Variants in NIF3L1 observed in about 807,000 individuals in gnomAD.
NIF3L1 encodes the protein NIF3-like protein 1.
Under a neutral mutation model 35.0 loss-of-function variants are expected in NIF3L1, and 26 were observed. That is an observed-to-expected ratio of 0.74 (90% confidence interval 0.54 to 1.03). NIF3L1 has a LOEUF of 1.03. Among genes scored for constraint, NIF3L1 ranks in the 50% least tolerant of loss-of-function variants. The probability of loss-of-function intolerance (pLI) is 0.00; values close to 1 mark genes in which losing one functional copy is unlikely to be tolerated. For synonymous variants in NIF3L1, 157 were observed against 178.9 expected (o/e 0.88, Z 0.98); for missense variants, 449 against 466.3 (o/e 0.96, Z 0.34).
At chr2:200,902,936 A>G (rs1339276464) in intron 6 of NIF3L1, among the ~76,000 whole-genome samples, 2 of 152,200 alleles carry the variant, frequency 1.3e-5, no homozygotes, top group African/African-American at 4.8e-5. Flanking sequence ...CTGGCCAGAT[A>G]TGTTGGATTG....
Position 200,891,987 on chromosome 2 carries a change from T to C in NIF3L1, c.44T>C (p.Phe15Ser), listed in dbSNP as rs778150083. 1 of 1,614,094 alleles carries C rather than the reference T, an allele frequency of 6.2e-7. No individual in the cohort carries two copies. The highest frequency in any genetic ancestry group is 2.2e-5 in the East Asian group (1 of 44,884). Reference sequence around the variant, plus strand: ...CGCCCAGTCCCCACGACAGTCCGGTTTGTAGATTCCCTGATCTGCAATTCT... The same window carrying C: ...CGCCCAGTCCCCACGACAGTCCGGTCTGTAGATTCCCTGATCTGCAATTCT... The part of the protein sequence containing the change: ...CVRPVPTTVR[F>S]VDSLICNSSR... The change falls in exon 2 of 7, where the codon TTT becomes TCT. Residue 15 changes from phenylalanine to serine, a missense_variant. Phe to Ser is a radical substitution (Grantham distance 155). Coordinates refer to ENST00000409020, the MANE Select transcript of NIF3L1 (RefSeq NM_001369441.2).
rs141375721 is a variant in NIF3L1 at position 200,893,433 on chromosome 2, T to G, written c.599+25T>G. 1.5e-3 allele frequency: 2,495 copies of G among 1,610,290 alleles called. 16 individuals are homozygous for G. The African/African-American group carries it at 0.025, about 16-fold the overall frequency. On this transcript the variant is annotated intron_variant, in intron 3 of 6. Coordinates refer to ENST00000409020, the MANE Select transcript of NIF3L1 (RefSeq NM_001369441.2). Reference sequence around the variant, plus strand: ...GGTACAATTTATTTTTCTCTTTTTTTTGTGTGTATTTATTGGTAAGCATCT... The same window carrying G: ...GGTACAATTTATTTTTCTCTTTTTTGTGTGTGTATTTATTGGTAAGCATCT...
chr2:200,891,870 C>A, intron 1 of NIF3L1, 48 bp from the exon 2 acceptor site: 1 of 1,168,680 alleles, frequency 8.6e-7, no homozygotes, highest in Non-Finnish European at 1.2e-6. Context: ...CCTCAAAGAT[C>A]CAGGCCTAAA....
chr2:200,893,167 T>C, intron 2 of NIF3L1, 79 bp from the exon 3 acceptor site: 1 of 1,097,464 alleles, frequency 9.1e-7, no homozygotes, highest in Non-Finnish European at 1.3e-6. Context: ...TTCTTAGAAA[T>C]TTTGCCTATA....
intron 4 of NIF3L1, among the ~76,000 whole-genome samples, chr2:200,895,912 A>G (rs1049215785): frequency 1.3e-5 from 2 of 151,910 alleles, no homozygotes; most frequent in Non-Finnish European, 2.9e-5. Context: ...GATGTTTTGC[A>G]CTTACAGAGC....
In NIF3L1 at chr2:200,903,679, T is replaced by C. The variant is rs1298883998; in HGVS notation, c.*1T>C. The C allele has an allele frequency of 3.7e-6, 6 of 1,611,280 alleles. No individual in the cohort carries two copies. The highest frequency in any genetic ancestry group is 2.2e-5 in the South Asian group (2 of 91,016). ...CAGGGACCCTCTTCAGGTGGTATAA[T>C]TGCAGAAACATCAGGATAACACATT... On this transcript the variant is annotated 3_prime_UTR_variant, in exon 7 of 7. Transcript: ENST00000409020.
intron 3 of NIF3L1, among the ~76,000 whole-genome samples, chr2:200,893,719 G>T (rs115723373): frequency 0.012 from 1,834 of 152,264 alleles, 32 homozygotes; most frequent in African/African-American, 0.042. Context: ...ATAGATCCTA[G>T]TGATGTGGTG....
At chr2:200,903,452 C>T in intron 6 of NIF3L1, 42 bp from the exon 7 acceptor site, 1 of 1,520,750 alleles carries the variant, frequency 6.6e-7, no homozygotes, top group South Asian at 1.1e-5. Flanking sequence ...TCCACAGATT[C>T]CATATTTAGC....
At chr2:200,890,363 G>GA (rs963423195) in intron 1 of NIF3L1, among the ~76,000 whole-genome samples, 3 of 151,824 alleles carry the variant, frequency 2.0e-5, no homozygotes, top group African/African-American at 4.8e-5. Flanking sequence ...GTGTCAAAAA[G>GA]AAAAAAACAA....
chr2:200,893,494 G>T lies in NIF3L1; in HGVS notation c.599+86G>T, dbSNP rs549651243. On this transcript the variant is annotated intron_variant, in intron 3 of 6. Transcript: ENST00000409020. ...GTCTATAACCCTGGTATTTAGGCTTGAAACAAATAGTTTTCTCTGGAGTTG... is the reference window on the plus strand; with the variant it reads ...GTCTATAACCCTGGTATTTAGGCTTTAAACAAATAGTTTTCTCTGGAGTTG... 3 of 1,285,094 alleles carry T rather than the reference G, an allele frequency of 2.3e-6. No individual in the cohort carries two copies. In the South Asian group the frequency reaches 3.9e-5, roughly 17 times the overall value. 79.6% of individuals were successfully genotyped at this position (1,285,094 alleles called of 1,614,324 possible). A position where few individuals can be genotyped will look rare whatever the true frequency, so the allele number is the denominator to read the frequency against.
chr2:200,899,616 C>T, intron 6 of NIF3L1, 148 bp downstream of exon 6: 1 of 590,478 alleles, frequency 1.7e-6, no homozygotes, highest in South Asian at 2.3e-5. Context: ...TGGGGACTTA[C>T]TGCATTCTTT....
intron 1 of NIF3L1, among the ~76,000 whole-genome samples, chr2:200,890,128 C>G (rs1470803813): frequency 6.6e-6 from 1 of 152,176 alleles, no homozygotes. Context: ...GAGGCCGAGG[C>G]AGGTGGATCA....
chr2:200,891,200 C>T (rs558367498), intron 1 of NIF3L1, among the ~76,000 whole-genome samples: 5 of 152,306 alleles, frequency 3.3e-5, no homozygotes. Context: ...TGTGATCCTC[C>T]CGCCTCGGCC....
At chr2:200,899,208 G>T in intron 5 of NIF3L1, 177 bp from the exon 6 acceptor site, 1 of 442,532 alleles carries the variant, frequency 2.3e-6, no homozygotes, top group Non-Finnish European at 4.1e-6. Flanking sequence ...ATCAAAGAAT[G>T]ACCTGTTTGC....
chr2:200,895,493 T>G, intron 4 of NIF3L1, 103 bp downstream of exon 4: 1 of 1,111,342 alleles, frequency 9.0e-7, no homozygotes, highest in African/African-American at 1.6e-5. Context: ...GAGGTATACC[T>G]TATTGAGGTA....
Position 200,892,101 on chromosome 2 carries a change from G to A in NIF3L1, c.158G>A (p.Gly53Glu). The A allele has an allele frequency of 6.2e-7, 1 of 1,614,188 alleles. No homozygotes were observed. The stretch of plus-strand genomic sequence containing the variant: ...TTTGCTGAGAGTTGGGACAATGTTG[G>A]ATTACTGGTGGAACCAAGCCCACCA... ...LSFAESWDNV[G>E]LLVEPSPPHT... Residue 53 changes from glycine to glutamate, a missense_variant, in exon 2 of 7, where the codon GGA (glycine) becomes GAA (glutamate). Physicochemically the swap from Gly to Glu is moderately conservative, Grantham distance 98 (BLOSUM62 -2). Coordinates refer to ENST00000409020, the MANE Select transcript of NIF3L1 (RefSeq NM_001369441.2).
Position 200,899,093 on chromosome 2 carries a change from C to T in NIF3L1, c.866-292C>T, listed in dbSNP as rs114257962. The stretch of plus-strand genomic sequence containing the variant: ...GCATGGCCCCTATGCAAAGATTACA[C>T]GCAAATTTGTGCATTGTTCCGTATT... On this transcript the variant is annotated intron_variant, in intron 5 of 6. Coordinates refer to ENST00000409020, the MANE Select transcript of NIF3L1 (RefSeq NM_001369441.2). 1,629 of 288,816 alleles carry T rather than the reference C, an allele frequency of 5.6e-3. 22 individuals are homozygous for T. The highest frequency in any genetic ancestry group is 0.033 in the African/African-American group (1,529 of 45,906). The allele number at this position is 288,816 out of a possible 1,614,324, so 17.9% of individuals were successfully genotyped here. A position where few individuals can be genotyped will look rare whatever the true frequency, so the allele number is the denominator to read the frequency against.
chr2:200,901,618 T>C (rs1364843329), intron 6 of NIF3L1, among the ~76,000 whole-genome samples: 1 of 152,194 alleles, frequency 6.6e-6, no homozygotes, highest in African/African-American at 2.4e-5. Flanking sequence ...TCACGCTTCC[T>C]GTGAGCCTGA....
chr2:200,896,259 C>A (rs545016878), intron 4 of NIF3L1, among the ~76,000 whole-genome samples: 4 of 152,162 alleles, frequency 2.6e-5, no homozygotes, highest in Non-Finnish European at 5.9e-5. Flanking sequence ...TCTCCTTCCA[C>A]AGCATGTACT....
Sources: gnomAD v4.1 joint callset for allele counts (sites outside exome capture counted in the v4.1 genomes callset) on GRCh38, gnomAD v4.1.1 for gene constraint, MANE v1.5 for transcripts, NCBI Gene and HGNC (gene_info 2026-07-23, HGNC 2026-07-21) for gene names.